Variants in F5 observed in about 807,000 individuals in gnomAD.
The protein encoded by F5 is coagulation factor V.
In F5, 138 loss-of-function variants were observed where a neutral mutation model predicts 216.4. The observed-to-expected ratio is 0.64, with a 90% confidence interval of 0.56 to 0.73. The LOEUF (loss-of-function observed/expected upper bound fraction) is 0.73, where lower values mean the gene tolerates loss of function less well. Among genes scored for constraint, F5 ranks in the 30% least tolerant of loss-of-function variants. F5 has a pLI of 0.00. For synonymous variants in F5, 916 were observed against 930.7 expected (o/e 0.98, Z 0.29); for missense variants, 2,403 against 2,674.0 (o/e 0.90, Z 2.24).
At chr1:169,543,231 T>C (rs1659913658) in intron 12 of F5, 117 bp from the exon 13 acceptor site, 3 of 908,160 alleles carry the variant, frequency 3.3e-6, no homozygotes, top group Admixed American at 3.8e-5. Flanking sequence ...TATTCAAGTA[T>C]GGGCTGTGGA....
At chr1:169,547,902 T>C (rs1660051732) in intron 10 of F5, among the ~76,000 whole-genome samples, 7 of 152,168 alleles carry the variant, frequency 4.6e-5, no homozygotes, top group Admixed American at 4.6e-4. Context: ...TATGTTCATT[T>C]TCGCACTCTT....
In F5 at chr1:169,572,318, A is replaced by G; in HGVS notation, c.276T>C (p.Ala92=). ...GAACTTTTATGATGTCTCCGACTTC[A>G]GCATATAAAGTAGGCCCAAGAAGTC... The part of the protein sequence containing the change: ...ISGLLGPTLY[A]EVGDIIKVHF... Residue 92 remains alanine, a synonymous_variant, in exon 3 of 25, where the codon GCT becomes GCC. Coordinates refer to ENST00000367797, the MANE Select transcript of F5 (RefSeq NM_000130.5). 1.2e-6 allele frequency: 2 copies of G among 1,613,300 alleles called. No homozygotes were observed. Among genetic ancestry groups the G allele is most frequent in the Non-Finnish European group, 1.7e-6 (2 of 1,179,638 alleles).
intron 24 of F5, 136 bp from the exon 25 acceptor site, chr1:169,514,595 C>T: frequency 2.8e-6 from 2 of 714,992 alleles, no homozygotes; most frequent in Non-Finnish European, 4.7e-6. Context: ...TCACTGCAGC[C>T]TTAAACTCCT....
chr1:169,578,382 T>A (rs1170274993), intron 2 of F5, among the ~76,000 whole-genome samples: 1 of 152,228 alleles, frequency 6.6e-6, no homozygotes, highest in Non-Finnish European at 1.5e-5. Flanking sequence ...AAAAATTTAA[T>A]CATCTGAAAG....
chr1:169,558,932 A>G (rs1158425565), intron 5 of F5, among the ~76,000 whole-genome samples: 1 of 151,992 alleles, frequency 6.6e-6, no homozygotes, highest in East Asian at 1.9e-4. Flanking sequence ...GGTGAAACCT[A>G]CTCAGGTCAC....
chr1:169,577,031 C>T (rs1660866707), intron 2 of F5, among the ~76,000 whole-genome samples: 1 of 152,148 alleles, frequency 6.6e-6, no homozygotes, highest in Non-Finnish European at 1.5e-5. Context: ...TAGGAAAACA[C>T]ATGGCTAAAT....
chr1:169,542,553 C>T lies in F5; in HGVS notation c.2537G>A (p.Gly846Glu). ...AGCACCAAGTGAAAGTAGACGTATCCCTGTGACATCTGGCTGTAGAGGATC... is the reference window on the plus strand; with the variant it reads ...AGCACCAAGTGAAAGTAGACGTATCTCTGTGACATCTGGCTGTAGAGGATC... ...IEDPLQPDVTGIRLLSLGAGE... is the reference protein window; with the variant it reads ...IEDPLQPDVTEIRLLSLGAGE... Residue 846 changes from glycine (G) to glutamate (E), a missense_variant, in exon 13 of 25, where the codon GGG becomes GAG. Coordinates refer to ENST00000367797, the MANE Select transcript of F5 (RefSeq NM_000130.5). 6.2e-7 allele frequency: 1 copy of T among 1,613,972 alleles called. No homozygotes were observed. The highest frequency in any genetic ancestry group is 8.5e-7 in the Non-Finnish European group (1 of 1,179,922).
At position 169,536,699 on chromosome 1, in the gene F5, T is replaced by C; in HGVS notation, c.4797-19A>G. On this transcript the variant is annotated intron_variant, in intron 13 of 24. Coordinates refer to ENST00000367797, the MANE Select transcript of F5 (RefSeq NM_000130.5). ...TGTTTCCCTGAAATAATAATACTAT[T>C]TGTGTAAAAGAAGAAATTAAAGACT... The C allele has an allele frequency of 6.3e-7, 1 of 1,588,080 alleles. No homozygotes were observed. Among genetic ancestry groups the C allele is most frequent in the Non-Finnish European group, 8.6e-7 (1 of 1,157,072 alleles).
At chr1:169,528,378 T>C (rs559519082) in intron 16 of F5, among the ~76,000 whole-genome samples, 1 of 152,340 alleles carries the variant, frequency 6.6e-6, no homozygotes, top group Admixed American at 6.5e-5. Context: ...TACAGTTCCG[T>C]GCTTTACCCG....
In F5 at chr1:169,518,496, A is replaced by C. The variant is rs1167171192; in HGVS notation, c.6261T>G (p.Phe2087Leu). 1 of 1,613,794 alleles carries C rather than the reference A, an allele frequency of 6.2e-7. No individual in the cohort carries two copies. Among genetic ancestry groups the C allele is most frequent in the East Asian group, 2.2e-5 (1 of 44,880 alleles). Residue 2087 changes from phenylalanine to leucine, a missense_variant, in exon 23 of 25, where the codon TTT becomes TTG. Physicochemically the swap from Phe to Leu is conservative, Grantham distance 22 (BLOSUM62 0). Around this residue, in one of 4 missense-constraint regions of F5, gnomAD observed 659 missense variants for 787.9 expected, o/e 0.84. Coordinates refer to ENST00000367797, the MANE Select transcript of F5 (RefSeq NM_000130.5). ...AGTAATCTCCCCACCAAGATTTCTT[A>C]AACGAAGAAGCTGTGATTTGCTTGT... ...IENKQITASS[F>L]KKSWWGDYWE...
At chr1:169,568,144 A>T (rs939522102) in intron 3 of F5, among the ~76,000 whole-genome samples, 3 of 152,136 alleles carry the variant, frequency 2.0e-5, no homozygotes, top group African/African-American at 7.2e-5. Flanking sequence ...TGTCTAATTG[A>T]TCAAACTAAA....
At chr1:169,569,735 G>T (rs1660683769) in intron 3 of F5, among the ~76,000 whole-genome samples, 1 of 151,972 alleles carries the variant, frequency 6.6e-6, no homozygotes, top group Non-Finnish European at 1.5e-5. Context: ...TGTCAAAAAG[G>T]GTTATCCAGA....
intron 13 of F5, among the ~76,000 whole-genome samples, chr1:169,539,981 A>G (rs1053071045): frequency 2.6e-5 from 4 of 152,190 alleles, no homozygotes; most frequent in African/African-American, 9.6e-5. Context: ...ATAGCTATGG[A>G]TAGGTTGGGC....
Position 169,580,125 on chromosome 1 carries a change from A to G in F5, c.250+2306T>C, listed in dbSNP as rs563444399. On this transcript the variant is annotated intron_variant, in intron 2 of 24. Coordinates refer to ENST00000367797, the MANE Select transcript of F5 (RefSeq NM_000130.5). ...CCCTTGCCTCCCCACTTGGCTTTCC[A>G]AGATCCTACTCTTTTTTCAGCTATC... Among the ~76,000 whole-genome samples the G allele has an allele frequency of 2.1e-3, 323 of 152,226 alleles. 2 individuals carry two copies. The highest frequency in any genetic ancestry group is 7.2e-3 in the African/African-American group (299 of 41,526).
At chr1:169,528,241 T>C (rs1659505223) in intron 16 of F5, 147 bp from the exon 17 acceptor site, 3 of 921,638 alleles carry the variant, frequency 3.3e-6, no homozygotes, top group Non-Finnish European at 5.1e-6. Flanking sequence ...AGGGCCCTCT[T>C]GTATGTCACA....
chr1:169,560,670 T>C lies in F5; in HGVS notation c.470A>G (p.Asp157Gly), dbSNP rs1194281850. The C allele has an allele frequency of 1.2e-6, 2 of 1,613,766 alleles. No individual in the cohort carries two copies. Among genetic ancestry groups the C allele is most frequent in the Admixed American group, 3.3e-5 (2 of 59,978 alleles). Residue 157 changes from aspartate (D) to glycine (G), a missense_variant, in exon 4 of 25, where the codon GAC becomes GGC. Physicochemically the swap from Asp to Gly is moderately conservative, Grantham distance 94. This residue lies in a region of F5 where 1,425 missense variants were observed against 1,554.8 expected (regional missense o/e 0.92). Transcript: ENST00000367797. ...AGGGTCATCATGGGTGGGTCCACTGTCCTCACTGATACTCCATTCATAGGT... is the reference window on the plus strand; with the variant it reads ...AGGGTCATCATGGGTGGGTCCACTGCCCTCACTGATACTCCATTCATAGGT... ...EYTYEWSISE[D>G]SGPTHDDPPC... is the part of the protein sequence containing the mutation.
rs1660402465 is a variant in F5 at position 169,559,230 on chromosome 1, A to G, written c.653T>C (p.Phe218Ser). The G allele has an allele frequency of 1.2e-6, 2 of 1,613,838 alleles. No homozygotes were observed. The highest frequency in any genetic ancestry group is 4.5e-5 in the East Asian group (2 of 44,860). ...CTGGCTCCAGCTCTTGCTTTCATCA[A>G]ACACAGCAAATAGTAGCACGATTTG... Reference protein sequence around the residue: ...DKQIVLLFAVFDESKSWSQSS... With the variant: ...DKQIVLLFAVSDESKSWSQSS... Residue 218 changes from phenylalanine to serine, a missense_variant, in exon 5 of 25, where the codon TTT (phenylalanine) becomes TCT (serine). Phe to Ser is a radical substitution (Grantham distance 155). Coordinates refer to ENST00000367797, the MANE Select transcript of F5 (RefSeq NM_000130.5).
rs141847118 is a variant in F5 at position 169,556,738 on chromosome 1, G to T, written c.860C>A (p.Thr287Asn). Reference sequence around the variant, plus strand: ...GGTAGTGGATGTAGCACTGACAAGGGTGATGGCTGAGACCTTATGATGGTT... The same window carrying T: ...GGTAGTGGATGTAGCACTGACAAGGTTGATGGCTGAGACCTTATGATGGTT... ...EQNHHKVSAI[T>N]LVSATSTTAN... The change falls in exon 6 of 25, where the codon ACC (threonine) becomes AAC (asparagine). Residue 287 changes from threonine to asparagine, a missense_variant. Coordinates refer to ENST00000367797, the MANE Select transcript of F5 (RefSeq NM_000130.5). 4 of 1,614,106 alleles carry T rather than the reference G, an allele frequency of 2.5e-6. No homozygotes were observed. Among genetic ancestry groups the T allele is most frequent in the Admixed American group, 3.3e-5 (2 of 60,004 alleles).
In F5 at chr1:169,541,855, G is replaced by C; in HGVS notation, c.3235C>G (p.Pro1079Ala). Residue 1079 changes from proline to alanine, a missense_variant, in exon 13 of 25, where the codon CCC becomes GCC. Around this residue, in one of 4 missense-constraint regions of F5, gnomAD observed 1,425 missense variants for 1,554.8 expected, o/e 0.92. Coordinates refer to ENST00000367797, the MANE Select transcript of F5 (RefSeq NM_000130.5). ...GGCAATGTCTGATTGAGGTCTGTGGGAAGAGATGTTTCATTGGATTTATGA... is the reference window on the plus strand; with the variant it reads ...GGCAATGTCTGATTGAGGTCTGTGGCAAGAGATGTTTCATTGGATTTATGA... Reference protein sequence around the residue: ...VLHKSNETSLPTDLNQTLPSM... With the variant: ...VLHKSNETSLATDLNQTLPSM... The C allele has an allele frequency of 6.2e-7, 1 of 1,614,130 alleles. No homozygotes were observed. The highest frequency in any genetic ancestry group is 1.1e-5 in the South Asian group (1 of 91,086).
Sources: allele counts gnomAD v4.1 joint callset (sites outside exome capture counted in the v4.1 genomes callset), GRCh38; gene constraint gnomAD v4.1.1; regional missense constraint gnomAD v4.1.1; transcripts MANE v1.5; gene names NCBI Gene and HGNC (gene_info 2026-07-23, HGNC 2026-07-21).